The following MFHAS1 variants were observed in gnomAD, a reference collection of about 807,000 sequenced individuals.
MFHAS1 encodes multifunctional ROCO family signaling regulator 1.
In MFHAS1, 50 loss-of-function variants were observed where a neutral mutation model predicts 70.4. The ratio of observed to expected loss-of-function variants is 0.71; its 90% CI spans 0.57 to 0.90. The LOEUF (loss-of-function observed/expected upper bound fraction) is 0.90, where lower values mean the gene tolerates loss of function less well. MFHAS1 is among the 40% of genes least tolerant of loss of function. The pLI, the probability that MFHAS1 is intolerant of heterozygous loss-of-function variation, is 0.00. For missense variants in MFHAS1, 1,795 were observed against 1,347.6 expected (o/e 1.33, Z -5.20); for synonymous variants, 952 against 620.0 (o/e 1.54, Z -7.96).
chr8:8,825,449 G>A (rs1411780668), intron 1 of MFHAS1, among the ~76,000 whole-genome samples: 1 of 152,118 alleles, frequency 6.6e-6, no homozygotes, highest in Admixed American at 6.5e-5. Context: ...CTGGGATTAT[G>A]GGTGTGAGCC....
chr8:8,837,720 G>A (rs1027780502), intron 1 of MFHAS1, among the ~76,000 whole-genome samples: 72 of 151,252 alleles, frequency 4.8e-4, no homozygotes, highest in African/African-American at 1.7e-3. Context: ...AAAACACAAT[G>A]AGATACCACT....
chr8:8,890,017 T>A, intron 1 of MFHAS1, 44 bp downstream of exon 1: 1 of 1,455,484 alleles, frequency 6.9e-7, no homozygotes. Flanking sequence ...CAAAAACATA[T>A]CTTACAGCAT....
intron 1 of MFHAS1, among the ~76,000 whole-genome samples, chr8:8,868,418 G>A (rs1808944580): frequency 1.3e-5 from 2 of 150,150 alleles, no homozygotes; most frequent in Admixed American, 1.3e-4. Context: ...GAGAAGGATA[G>A]CCTCAACTTT....
intron 1 of MFHAS1, among the ~76,000 whole-genome samples, chr8:8,885,118 C>G (rs1054715252): frequency 1.3e-5 from 2 of 152,082 alleles, no homozygotes; most frequent in African/African-American, 2.4e-5. Flanking sequence ...CAAACACCAA[C>G]AAAACAAGTC....
In MFHAS1 at chr8:8,890,915, T is replaced by A; in HGVS notation, c.2144A>T (p.Tyr715Phe). The change falls in exon 1 of 3, where the codon TAC (tyrosine) becomes TTC (phenylalanine). Residue 715 changes from tyrosine to phenylalanine, a missense_variant. Coordinates refer to ENST00000276282, the MANE Select transcript of MFHAS1 (RefSeq NM_004225.3). ...CTTGAGAGCCGGACTGTCCTCAAAGTAGAGTAGCTTGCCGCTCTCATGCAG... is the reference window on the plus strand; with the variant it reads ...CTTGAGAGCCGGACTGTCCTCAAAGAAGAGTAGCTTGCCGCTCTCATGCAG... The part of the protein sequence containing the change: ...SYLHESGKLL[Y>F]FEDSPALKEH... 6.2e-7 allele frequency: 1 copy of A among 1,614,102 alleles called. No individual in the cohort carries two copies. Among genetic ancestry groups the A allele is most frequent in the Middle Eastern group, 1.6e-4 (1 of 6,062 alleles).
chr8:8,820,799 C>T (rs1299535675), intron 1 of MFHAS1, among the ~76,000 whole-genome samples: 2 of 152,204 alleles, frequency 1.3e-5, no homozygotes, highest in African/African-American at 4.8e-5. Flanking sequence ...GTGGCCTTGA[C>T]CAAGTGCGAA....
rs969364979 is a variant in MFHAS1, at chr8:8,797,419, A to G, written c.3071T>C (p.Val1024Ala). 6.2e-7 allele frequency: 1 copy of G among 1,613,720 alleles called. No homozygotes were observed. The highest frequency in any genetic ancestry group is 8.5e-7 in the Non-Finnish European group (1 of 1,179,974). Residue 1024 changes from valine to alanine, a missense_variant, in exon 2 of 3, where the codon GTA becomes GCA. Val to Ala is a moderately conservative substitution (Grantham distance 64, BLOSUM62 0). Transcript: ENST00000276282. ...IICPKNGSER[V>A]NVALVYPPTP... Reference sequence around the variant, plus strand: ...GGGTGGGTAAACCAAGGCAACATTTACTCGCTCGCTGCCGTTCTTGGGGCA... The same window carrying G: ...GGGTGGGTAAACCAAGGCAACATTTGCTCGCTCGCTGCCGTTCTTGGGGCA...
chr8:8,866,341 G>A (rs1351992157), intron 1 of MFHAS1, among the ~76,000 whole-genome samples: 1 of 148,764 alleles, frequency 6.7e-6, no homozygotes, highest in Non-Finnish European at 1.5e-5. Context: ...TCTTTTTTGA[G>A]ACAGGGTCTT....
At chr8:8,813,085 G>A (rs1051023303) in intron 1 of MFHAS1, among the ~76,000 whole-genome samples, 4 of 152,134 alleles carry the variant, frequency 2.6e-5, no homozygotes, top group African/African-American at 9.6e-5. Context: ...ATGACTTTTC[G>A]AGCAATGGTA....
Position 8,891,196 on chromosome 8 carries a change from G to A in MFHAS1, c.1863C>T (p.Leu621=), listed in dbSNP as rs746268211. ...QYLLNHRLQI[L]SPVLPVSCRD... ...TGCAGCTAACAGGCAACACGGGGGAGAGGATCTGCAGCCGGTGGTTGAGCA... is the reference window on the plus strand; with the variant it reads ...TGCAGCTAACAGGCAACACGGGGGAAAGGATCTGCAGCCGGTGGTTGAGCA... Residue 621 remains leucine, a synonymous_variant, in exon 1 of 3, where the codon CTC becomes CTT. Transcript: ENST00000276282. The surrounding 1 kb of genome is among the most constrained non-coding windows in gnomAD (Gnocchi z 5.4). 3 of 1,613,042 alleles carry A rather than the reference G, an allele frequency of 1.9e-6. No individual in the cohort carries two copies. Among genetic ancestry groups the A allele is most frequent in the African/African-American group, 1.3e-5 (1 of 75,066 alleles).
At chr8:8,832,633 T>TTC (rs1246068789) in intron 1 of MFHAS1, among the ~76,000 whole-genome samples, 3 of 146,626 alleles carry the variant, frequency 2.0e-5, no homozygotes. Context: ...TTTTCTTTTT[T>TTC]TTTTTTTTTT....
chr8:8,814,981 G>C (rs186154293), intron 1 of MFHAS1, among the ~76,000 whole-genome samples: 270 of 151,910 alleles, frequency 1.8e-3, no homozygotes, highest in African/African-American at 6.2e-3. Context: ...ATTAAGCCCA[G>C]CATCCATTAG....
intron 2 of MFHAS1, among the ~76,000 whole-genome samples, chr8:8,794,431 C>A (rs1805824124): frequency 6.6e-6 from 1 of 152,144 alleles, no homozygotes; most frequent in Non-Finnish European, 1.5e-5. Flanking sequence ...GGACCTTCCC[C>A]GGAGCCTGGC....
intron 1 of MFHAS1, among the ~76,000 whole-genome samples, chr8:8,851,423 A>G (rs1343704406): frequency 1.3e-5 from 2 of 152,192 alleles, no homozygotes; most frequent in African/African-American, 2.4e-5. Flanking sequence ...ATGCATGGAC[A>G]GGTTCAGGGA....
intron 1 of MFHAS1, among the ~76,000 whole-genome samples, chr8:8,873,765 G>C (rs954398293): frequency 6.6e-6 from 1 of 152,136 alleles, no homozygotes; most frequent in Non-Finnish European, 1.5e-5. Context: ...GGGACAGAAA[G>C]GCAGATGCAA....
chr8:8,847,707 C>G (rs1172002347), intron 1 of MFHAS1, among the ~76,000 whole-genome samples: 3 of 152,234 alleles, frequency 2.0e-5, no homozygotes, highest in Admixed American at 2.0e-4. Context: ...CCTGCACACT[C>G]TGGACCTTCA....
intron 2 of MFHAS1, among the ~76,000 whole-genome samples, chr8:8,787,659 A>T (rs1275580647): frequency 6.6e-6 from 1 of 152,228 alleles, no homozygotes; most frequent in African/African-American, 2.4e-5. Context: ...ATCTAACTGT[A>T]AGGAGGACGC....
rs1017670363 is a variant in MFHAS1 at position 8,860,302 on chromosome 8, C to T, written c.2998+29759G>A. On this transcript the variant is annotated intron_variant, in intron 1 of 2. Coordinates refer to ENST00000276282, the MANE Select transcript of MFHAS1 (RefSeq NM_004225.3). ...ACAGACTGTGCTACGCGTCAACAAT[C>T]TCATCTGACTGCTAGGTTAGGTCCA... is the stretch of plus-strand genomic sequence containing the variant. Among the ~76,000 whole-genome samples, 10 of 152,314 alleles carry T rather than the reference C, an allele frequency of 6.6e-5. 1 individual carries two copies. The South Asian group carries it at 1.5e-3, about 22-fold the overall frequency.
chr8:8,813,536 C>A (rs1806628838), intron 1 of MFHAS1, among the ~76,000 whole-genome samples: 1 of 151,976 alleles, frequency 6.6e-6, no homozygotes, highest in South Asian at 2.1e-4. Flanking sequence ...TAGGCCTGAG[C>A]CAATGTGTGT....
Sources: gnomAD v4.1 joint callset for allele counts (sites outside exome capture counted in the v4.1 genomes callset) on GRCh38, gnomAD v4.1.1 for gene constraint, Gnocchi (gnomAD v3.1) non-coding constraint, MANE v1.5 for transcripts, NCBI Gene and HGNC (gene_info 2026-07-23, HGNC 2026-07-21) for gene names.